The following SLC4A5 variants were observed in gnomAD, a reference collection of about 807,000 sequenced individuals.
SLC4A5 encodes solute carrier family 4 member 5.
SLC4A5 carries 96 observed loss-of-function variants against 120.4 expected under a neutral mutation model. That is an observed-to-expected ratio of 0.80 (90% CI 0.68 to 0.94). The LOEUF is 0.94. SLC4A5 is among the 40% of genes least tolerant of loss of function. SLC4A5 has a pLI of 0.00. For missense variants in SLC4A5, 1,259 were observed against 1,459.5 expected, an observed-to-expected ratio of 0.86 and a Z score of 2.24; for synonymous variants, 550 against 571.1, an observed-to-expected ratio of 0.96 and a Z score of 0.53.
chr2:74,254,687 C>T (rs762429029), exon 14 of SLC4A5: 1 of 1,613,650 alleles, frequency 6.2e-7, no homozygotes, highest in East Asian at 2.2e-5. Context: ...CCAGAAGGTC[C>T]CAGTAGTATA....
chr2:74,262,195 A>T, exon 11 of SLC4A5: 1 of 1,605,080 alleles, frequency 6.2e-7, no homozygotes, highest in Non-Finnish European at 8.5e-7. Flanking sequence ...AGTGGTGTAG[A>T]CTCGGGCCAG....
At chr2:74,307,693 T>G in intron 6 of SLC4A5, 1 of 914,608 alleles carries the variant, frequency 1.1e-6, no homozygotes, top group Non-Finnish European at 1.7e-6. Flanking sequence ...CTCTCCAGCT[T>G]CCTGTTATCA....
intron 12 of SLC4A5, among the ~76,000 whole-genome samples, chr2:74,257,279 G>A (rs1052174850): frequency 1.3e-5 from 2 of 152,030 alleles, no homozygotes. Flanking sequence ...AACCACCTGG[G>A]CAACCATCAG....
At chr2:74,245,059 C>T (rs10186159) in intron 19 of SLC4A5, among the ~76,000 whole-genome samples, 55,068 of 151,950 alleles carry the variant, frequency 0.36, 10,901 homozygotes, top group Middle Eastern at 0.46. Flanking sequence ...GGTGGCTCAC[C>T]CCTGAGTTCC....
chr2:74,269,177 T>C (rs1671393848), intron 8 of SLC4A5, among the ~76,000 whole-genome samples: 1 of 152,022 alleles, frequency 6.6e-6, no homozygotes, highest in Admixed American at 6.6e-5. Context: ...AACATAAGAG[T>C]TTACAAGGAA....
intron 17 of SLC4A5, among the ~76,000 whole-genome samples, chr2:74,250,009 G>T (rs1670741449): frequency 6.6e-6 from 1 of 152,132 alleles, no homozygotes; most frequent in Non-Finnish European, 1.5e-5. Flanking sequence ...TGGGGAGAAG[G>T]CCACAATTAG....
At position 74,247,017 on chromosome 2, in the gene SLC4A5, G is replaced by T; in HGVS notation, c.2059+19C>A. The T allele has an allele frequency of 6.2e-7, 1 of 1,612,018 alleles. No homozygotes were observed. The highest frequency in any genetic ancestry group is 8.5e-7 in the Non-Finnish European group (1 of 1,178,494). On this transcript the variant is annotated intron_variant, in intron 19 of 30. Coordinates refer to ENST00000394019, the Ensembl canonical transcript of SLC4A5. ...TGGGGTAGGTGAGGGCCCACGGCATGTCTGGGGTTACCGGTCACCTGTGTC... is the reference window on the plus strand; with the variant it reads ...TGGGGTAGGTGAGGGCCCACGGCATTTCTGGGGTTACCGGTCACCTGTGTC...
chr2:74,314,086 T>A (rs1672890460), intron 6 of SLC4A5, among the ~76,000 whole-genome samples: 1 of 152,114 alleles, frequency 6.6e-6, no homozygotes, highest in Non-Finnish European at 1.5e-5. Context: ...ACAGGAAGAG[T>A]ATATTTATTA....
At chr2:74,285,709 G>A in intron 8 of SLC4A5, 64 bp downstream of exon 8, 1 of 1,581,054 alleles carries the variant, frequency 6.3e-7, no homozygotes, top group Non-Finnish European at 8.6e-7. Flanking sequence ...CCACCAGGAG[G>A]GTCAGGCAAG....
intron 12 of SLC4A5, among the ~76,000 whole-genome samples, chr2:74,258,292 C>T (rs1326087912): frequency 6.6e-6 from 1 of 152,222 alleles, no homozygotes; most frequent in Non-Finnish European, 1.5e-5. Context: ...ACCACTGATG[C>T]TGCAAATACC....
At chr2:74,239,899 TA>T (rs1409504357) in intron 20 of SLC4A5, among the ~76,000 whole-genome samples, 1 of 152,070 alleles carries the variant, frequency 6.6e-6, no homozygotes, top group African/African-American at 2.4e-5. Flanking sequence ...CCCTTTCATA[TA>T]TGGGGGATCA....
At chr2:74,253,863 C>A (rs916754249) in intron 14 of SLC4A5, among the ~76,000 whole-genome samples, 6 of 152,132 alleles carry the variant, frequency 3.9e-5, no homozygotes, top group African/African-American at 1.4e-4. Context: ...CGTAGGAATG[C>A]TAGTTTTCTA....
At chr2:74,303,120 G>C (rs556383213) in intron 7 of SLC4A5, among the ~76,000 whole-genome samples, 2 of 149,688 alleles carry the variant, frequency 1.3e-5, no homozygotes, top group Admixed American at 1.3e-4. Flanking sequence ...GTGTGTGCGT[G>C]TGTGTGTGTG....
At chr2:74,321,085 T>C (rs1185501102) in intron 5 of SLC4A5, among the ~76,000 whole-genome samples, 1 of 152,214 alleles carries the variant, frequency 6.6e-6, no homozygotes, top group Non-Finnish European at 1.5e-5. Flanking sequence ...GGTATTCATT[T>C]GGGTTGGTCA....
chr2:74,307,797 C>G, intron 6 of SLC4A5: 1 of 460,324 alleles, frequency 2.2e-6, no homozygotes, highest in Non-Finnish European at 3.9e-6. Flanking sequence ...TCATTCTGGC[C>G]AGACCCCCAG....
At chr2:74,239,185 A>G in intron 21 of SLC4A5, 150 bp downstream of exon 21, 1 of 671,548 alleles carries the variant, frequency 1.5e-6, no homozygotes, top group Non-Finnish European at 2.6e-6. Flanking sequence ...CCAGCCAACA[A>G]GGGAACACAG....
chr2:74,284,225 G>A lies in SLC4A5; in HGVS notation c.401+1548C>T, dbSNP rs1453356296. 1.0e-4 allele frequency among the ~76,000 whole-genome samples: 7 copies of A among 70,156 alleles called. 1 individual carries two copies. Among genetic ancestry groups the A allele is most frequent in the African/African-American group, 4.2e-4 (2 of 4,710 alleles). The allele number at this position is 70,156 out of a possible 152,430, so 46.0% of individuals were successfully genotyped here. ...CGCTCTGTCGCCCAGGTCGGACTGC[G>A]GACTGCAGTGGCGCAATCTCGGCTC... On this transcript the variant is annotated intron_variant, in intron 8 of 30. Coordinates refer to ENST00000394019, the Ensembl canonical transcript of SLC4A5.
In SLC4A5 at chr2:74,255,670, T is replaced by C; in HGVS notation, c.1025+105A>G. On this transcript the variant is annotated intron_variant, in intron 13 of 30. Transcript: ENST00000394019. This position sits in a 1 kb window ranked among gnomAD's most constrained non-coding sequence, Gnocchi z 4.0. ...TTCCCTTCCCAGCAGCCTCCACGTT[T>C]AGAGGTGCCTTTGAGAACACTAACA... 1 of 1,336,136 alleles carries C rather than the reference T, an allele frequency of 7.5e-7. No individual in the cohort carries two copies. Among genetic ancestry groups the C allele is most frequent in the South Asian group, 1.4e-5 (1 of 71,868 alleles). The allele number at this position is 1,336,136 out of a possible 1,614,324, so 82.8% of individuals were successfully genotyped here. A position where few individuals can be genotyped will look rare whatever the true frequency, so the allele number is the denominator to read the frequency against.
At chr2:74,262,054 TCCC>T (rs1671153005) in intron 11 of SLC4A5, 80 bp downstream of exon 11, 1 of 1,280,438 alleles carries the variant, frequency 7.8e-7, no homozygotes, top group South Asian at 1.4e-5. Context: ...GGGCTTTGTC[TCCC>T]CCACCTATGG....
Sources: allele counts gnomAD v4.1 joint callset (sites outside exome capture counted in the v4.1 genomes callset), GRCh38; gene constraint gnomAD v4.1.1; non-coding constraint Gnocchi (gnomAD v3.1); transcripts MANE v1.5; gene names NCBI Gene and HGNC (gene_info 2026-07-23, HGNC 2026-07-21).